The following ZNF600 variants were observed in gnomAD, a reference collection of about 807,000 sequenced individuals.
The protein encoded by ZNF600 is zinc finger protein 600, also known as zinc finger protein KR-ZNF1.
ZNF600 carries 4 observed loss-of-function variants against 7.3 expected under a neutral mutation model. The ratio of observed to expected loss-of-function variants is 0.55; its 90% confidence interval spans 0.27 to 1.25. The LOEUF (loss-of-function observed/expected upper bound fraction) is 1.25. Among genes scored for constraint, ZNF600 ranks in the 50% most tolerant of loss-of-function variants. ZNF600 has a pLI of 0.12. For missense variants in ZNF600, 911 were observed against 922.1 expected (o/e 0.99, Z 0.16); for synonymous variants, 290 against 308.9 (o/e 0.94, Z 0.64).
At chr19:52,800,725 G>C in the ZNF600 span, 10 of 1,612,358 alleles carry the variant, frequency 6.2e-6, no homozygotes, top group Non-Finnish European at 8.5e-6. Context: ...TGAAGCCTAC[G>C]ATGGCGTGCA....
chr19:52,802,606 G>C, the ZNF600 span, among the ~76,000 whole-genome samples: 20 of 152,100 alleles, frequency 1.3e-4, no homozygotes, highest in African/African-American at 4.3e-4. Flanking sequence ...GAACTTGGGA[G>C]GCAAAGATTG....
chr19:52,765,328 C>A, exon 4 of ZNF600: 1 of 705,086 alleles, frequency 1.4e-6, no homozygotes, highest in Non-Finnish European at 2.7e-6. Context: ...TTGCCACAAT[C>A]ATCACACATG....
chr19:52,826,301 C>A, the ZNF600 span, among the ~76,000 whole-genome samples: 1 of 152,080 alleles, frequency 6.6e-6, no homozygotes, highest in Non-Finnish European at 1.5e-5. Context: ...CTGGGAATTG[C>A]GGCAAATGCT....
At chr19:52,777,397 T>C (rs9710433) in intron 2 of ZNF600, among the ~76,000 whole-genome samples, 86,057 of 151,748 alleles carry the variant, frequency 0.57, 26,640 homozygotes, top group Non-Finnish European at 0.72. Flanking sequence ...AGAGTCCAGC[T>C]GGGCTGGCTG....
chr19:52,768,439 CAAAA>C (rs34209404), intron 3 of ZNF600, among the ~76,000 whole-genome samples: 2 of 67,022 alleles, frequency 3.0e-5, no homozygotes. Context: ...GACTCCACCT[CAAAA>C]AAAAAAAAAA....
the ZNF600 span, chr19:52,799,492 TA>T: frequency 9.4e-7 from 1 of 1,066,948 alleles, no homozygotes; most frequent in Non-Finnish European, 1.4e-6. Context: ...GTTTTTTGAT[TA>T]AAAACCTTGC....
chr19:52,789,075 TGG>T (rs907494643), upstream of ZNF600, among the ~76,000 whole-genome samples: 5 of 152,004 alleles, frequency 3.3e-5, no homozygotes, highest in Non-Finnish European at 5.9e-5. Flanking sequence ...GGGGTGAAGG[TGG>T]GGCTGTCATG....
At chr19:52,783,424 C>G (rs181461397) in intron 1 of ZNF600, among the ~76,000 whole-genome samples, 2 of 152,132 alleles carry the variant, frequency 1.3e-5, no homozygotes, top group Non-Finnish European at 2.9e-5. Flanking sequence ...GGCAGTGGCG[C>G]GATCTCGGCT....
At chr19:52,791,518 C>CTCCTT (rs1197332265), upstream of ZNF600, among the ~76,000 whole-genome samples, 1 of 152,168 alleles carries the variant, frequency 6.6e-6, no homozygotes, top group African/African-American at 2.4e-5. Context: ...CCATGCCTGG[C>CTCCTT]TCCTTTCCTT....
At chr19:52,831,647 T>C in the ZNF600 span, among the ~76,000 whole-genome samples, 13 of 151,878 alleles carry the variant, frequency 8.6e-5, no homozygotes, top group East Asian at 3.9e-4. Flanking sequence ...GGACTACAGG[T>C]GCCCGCCACC....
intron 1 of ZNF600, among the ~76,000 whole-genome samples, chr19:52,783,562 C>T (rs975546612): frequency 3.3e-5 from 5 of 152,232 alleles, no homozygotes; most frequent in Middle Eastern, 6.8e-3. Context: ...AGGGTTTCAC[C>T]GTGTTAGCCA....
At chr19:52,815,049 A>C in the ZNF600 span, among the ~76,000 whole-genome samples, 1 of 143,294 alleles carries the variant, frequency 7.0e-6, no homozygotes, top group Non-Finnish European at 1.5e-5. Flanking sequence ...ACATGTGTGT[A>C]TATATGTATG....
intron 3 of ZNF600, among the ~76,000 whole-genome samples, chr19:52,769,470 CCT>C (rs1444126779): frequency 1.3e-5 from 2 of 152,182 alleles, no homozygotes; most frequent in Non-Finnish European, 1.5e-5. Flanking sequence ...GGAAGGGCCC[CCT>C]GTCTAGTGGA....
chr19:52,779,262 G>C (rs7254719), intron 1 of ZNF600, among the ~76,000 whole-genome samples: 152,304 of 152,332 alleles, frequency 1, 76,138 homozygotes, highest in Middle Eastern at 1. Context: ...CTCAGAAATG[G>C]AGGACAAAGA....
At chr19:52,767,912 G>A (rs1421112396) in intron 3 of ZNF600, 140 bp from the exon 6 acceptor site, 2 of 1,263,662 alleles carry the variant, frequency 1.6e-6, no homozygotes, top group Non-Finnish European at 1.1e-6. Context: ...CACAAAAGGA[G>A]TAAGATTCTT....
chr19:52,800,997 T>C, the ZNF600 span: 3 of 1,613,976 alleles, frequency 1.9e-6, no homozygotes, highest in African/African-American at 1.3e-5. Flanking sequence ...GAGGGATGTA[T>C]TGTGACCAAA....
At position 52,786,803 on chromosome 19, in the gene ZNF600, G is replaced by A. The variant is rs2869886; in HGVS notation, c.-228C>T. 28 of 354,188 alleles carry A rather than the reference G, an allele frequency of 7.9e-5. No homozygotes were observed. The highest frequency in any genetic ancestry group is 1.7e-4 in the Non-Finnish European group (28 of 166,896). The allele number at this position is 354,188 out of a possible 1,614,324, so 21.9% of individuals were successfully genotyped here. A position where few individuals can be genotyped will look rare whatever the true frequency, so the allele number is the denominator to read the frequency against. ...GCGCGCCCAGGACTGAAGCCAGGCC[G>A]GGGCAGGTTGGCTGGACCTGGGCGG... On this transcript the variant is annotated 5_prime_UTR_variant, in exon 1 of 4. Transcript: ENST00000648973.
intron 3 of ZNF600, among the ~76,000 whole-genome samples, chr19:52,769,864 G>A (rs1183794078): frequency 1.3e-5 from 2 of 152,050 alleles, no homozygotes; most frequent in East Asian, 3.9e-4. Flanking sequence ...GGCACTTTGT[G>A]ACATTAATGA....
At chr19:52,788,937 G>A (rs1316785976), upstream of ZNF600, among the ~76,000 whole-genome samples, 1 of 152,168 alleles carries the variant, frequency 6.6e-6, no homozygotes, top group East Asian at 1.9e-4. Context: ...CTCCACTCAG[G>A]GCACCAGCCC....
Sources: gnomAD v4.1 joint callset for allele counts (sites outside exome capture counted in the v4.1 genomes callset) on GRCh38, gnomAD v4.1.1 for gene constraint, MANE v1.5 for transcripts, NCBI Gene and HGNC (gene_info 2026-07-23, HGNC 2026-07-21) for gene names.